MGAT4C: variants seen among roughly 807,000 people sequenced by gnomAD.
MGAT4C encodes the protein alpha-1,3-mannosyl-glycoprotein 4-beta-N-acetylglucosaminyltransferase C.
A neutral mutation model predicts 40.1 loss-of-function variants in MGAT4C; 19 were observed. The observed-to-expected ratio is 0.47, with a 90% CI of 0.33 to 0.70. The LOEUF (loss-of-function observed/expected upper bound fraction) is 0.70. Ranked by LOEUF, MGAT4C falls within the 30% of genes least tolerant of loss-of-function variation. MGAT4C has a pLI of 0.02. For synonymous variants in MGAT4C, 181 were observed against 187.1 expected (o/e 0.97, Z 0.27); for missense variants, 491 against 563.2 (o/e 0.87, Z 1.30).
At chr12:86,779,472 T>C (rs1951798760) in intron 1 of MGAT4C, among the ~76,000 whole-genome samples, 2 of 151,856 alleles carry the variant, frequency 1.3e-5, no homozygotes, top group South Asian at 2.1e-4. Context: ...CATGGTAGTG[T>C]ACGCCTGTAG....
intron 2 of MGAT4C, among the ~76,000 whole-genome samples, chr12:85,991,345 G>A (rs1458341381): frequency 6.6e-6 from 1 of 152,136 alleles, no homozygotes; most frequent in African/African-American, 2.4e-5. Flanking sequence ...TCCATGGACA[G>A]CCATGGGCGG....
At chr12:85,983,262 T>C (rs1169424913) in intron 4 of MGAT4C, among the ~76,000 whole-genome samples, 1 of 152,196 alleles carries the variant, frequency 6.6e-6, no homozygotes, top group Non-Finnish European at 1.5e-5. Context: ...GATTTTTTTC[T>C]AGTCACTCTA....
At chr12:85,986,844 T>C (rs1885260280) in intron 3 of MGAT4C, among the ~76,000 whole-genome samples, 1 of 152,134 alleles carries the variant, frequency 6.6e-6, no homozygotes, top group South Asian at 2.1e-4. Flanking sequence ...ATTATATTCT[T>C]GGAGGGGGCC....
intron 2 of MGAT4C, among the ~76,000 whole-genome samples, chr12:86,637,196 T>C (rs1382924086): frequency 6.6e-6 from 1 of 152,016 alleles, no homozygotes. Context: ...AATCTTCTAC[T>C]ATCTGGAGCA....
Position 86,596,200 on chromosome 12 carries a change from A to AAAATAAAT in MGAT4C, c.-229+131001_-229+131008dup, listed in dbSNP as rs150343887. 5.4e-3 allele frequency among the ~76,000 whole-genome samples: 817 copies of AAAATAAAT among 150,854 alleles called. 4 individuals carry two copies. The highest frequency in any genetic ancestry group is 9.0e-3 in the Non-Finnish European group (611 of 67,694). ...TATGAGATAAATAAAATCACGGATT[A>AAAATAAAT]AAATAAATAAATAAATAAATAAATA... On this transcript the variant is annotated intron_variant, in intron 2 of 7. Transcript: ENST00000548651.
At chr12:86,419,565 G>C (rs1328541319) in intron 3 of MGAT4C, among the ~76,000 whole-genome samples, 2 of 151,988 alleles carry the variant, frequency 1.3e-5, no homozygotes, top group South Asian at 2.1e-4. Flanking sequence ...TCTGAAAGGG[G>C]ACCAGAAGAA....
chr12:86,043,923 G>T (rs1188660390), intron 2 of MGAT4C, among the ~76,000 whole-genome samples: 1 of 152,194 alleles, frequency 6.6e-6, no homozygotes, highest in Non-Finnish European at 1.5e-5. Flanking sequence ...ACCAGCGTGG[G>T]TCATTTTGAG....
chr12:86,434,946 C>G (rs566612027), intron 3 of MGAT4C, among the ~76,000 whole-genome samples: 2 of 151,978 alleles, frequency 1.3e-5, no homozygotes, highest in East Asian at 3.9e-4. Context: ...ATGTCCAATA[C>G]AAATTTAACA....
intron 2 of MGAT4C, among the ~76,000 whole-genome samples, chr12:86,634,327 A>G (rs959930371): frequency 3.3e-5 from 5 of 152,152 alleles, no homozygotes; most frequent in African/African-American, 1.2e-4. Flanking sequence ...TAATCCATCT[A>G]TACTTCAGTT....
At chr12:86,097,912 G>A (rs1351684842) in intron 1 of MGAT4C, among the ~76,000 whole-genome samples, 1 of 151,590 alleles carries the variant, frequency 6.6e-6, no homozygotes, top group African/African-American at 2.4e-5. Context: ...ACCAGCTAAT[G>A]TCTCATTTCC....
chr12:86,017,552 TAAA>T (rs1889221877), intron 2 of MGAT4C, among the ~76,000 whole-genome samples: 1 of 152,136 alleles, frequency 6.6e-6, no homozygotes, highest in Non-Finnish European at 1.5e-5. Flanking sequence ...TAAACATCTT[TAAA>T]GATATTAAAA....
intron 1 of MGAT4C, among the ~76,000 whole-genome samples, chr12:86,243,202 T>C (rs1047313409): frequency 4.6e-5 from 7 of 152,156 alleles, no homozygotes; most frequent in African/African-American, 1.7e-4. Context: ...AATAATCAAT[T>C]TTTCTTGGTT....
At chr12:86,147,504 G>A (rs1883706351) in intron 1 of MGAT4C, among the ~76,000 whole-genome samples, 1 of 152,212 alleles carries the variant, frequency 6.6e-6, no homozygotes, top group South Asian at 2.1e-4. Flanking sequence ...GCCTCCCAAA[G>A]TGCTGGGATT....
intron 2 of MGAT4C, among the ~76,000 whole-genome samples, chr12:86,552,107 A>T (rs1330126782): frequency 6.6e-6 from 1 of 152,050 alleles, no homozygotes; most frequent in Admixed American, 6.5e-5. Context: ...TCATAAGGAA[A>T]AATACAAAAT....
At chr12:86,650,921 C>T (rs928413540) in intron 2 of MGAT4C, among the ~76,000 whole-genome samples, 1 of 151,820 alleles carries the variant, frequency 6.6e-6, no homozygotes, top group Non-Finnish European at 1.5e-5. Context: ...GGAATCAGGA[C>T]TAGATGTTTT....
chr12:86,380,288 T>A (rs534242718), intron 3 of MGAT4C, among the ~76,000 whole-genome samples: 2 of 152,172 alleles, frequency 1.3e-5, no homozygotes, highest in South Asian at 2.1e-4. Flanking sequence ...TTGAAAAAAA[T>A]TCACCAAATT....
intron 1 of MGAT4C, among the ~76,000 whole-genome samples, chr12:86,084,542 A>T: frequency 6.6e-6 from 1 of 151,790 alleles, no homozygotes; most frequent in Non-Finnish European, 1.5e-5. Flanking sequence ...CTGTTTTTTT[A>T]AAAAAGATAT....
At chr12:86,516,677 C>T (rs896909893) in intron 2 of MGAT4C, among the ~76,000 whole-genome samples, 7 of 151,850 alleles carry the variant, frequency 4.6e-5, no homozygotes, top group Non-Finnish European at 7.4e-5. Flanking sequence ...AAAAGTAAAA[C>T]AACAAGCCAC....
chr12:86,288,372 T>C (rs865982996), intron 4 of MGAT4C, among the ~76,000 whole-genome samples: 91 of 152,334 alleles, frequency 6.0e-4, no homozygotes, highest in African/African-American at 2.0e-3. Flanking sequence ...TTGTCAATTT[T>C]GGCTTTTGTT....
Sources: allele counts gnomAD v4.1 joint callset (sites outside exome capture counted in the v4.1 genomes callset), GRCh38; gene constraint gnomAD v4.1.1; transcripts MANE v1.5; gene names NCBI Gene and HGNC (gene_info 2026-07-23, HGNC 2026-07-21).